Variants in PREX2 observed in about 807,000 individuals in gnomAD.
PREX2 encodes phosphatidylinositol-3,4,5-trisphosphate dependent Rac exchange factor 2, also known as phosphatidylinositol 3,4,5-trisphosphate-dependent Rac exchanger 2 protein.
PREX2 carries 107 observed loss-of-function variants against 203.2 expected under a neutral mutation model. The observed-to-expected ratio is 0.53, with a 90% CI of 0.45 to 0.62. The LOEUF (loss-of-function observed/expected upper bound fraction) is 0.62. Ranked by LOEUF, PREX2 falls within the 20% of genes least tolerant of loss-of-function variation. The probability of loss-of-function intolerance (pLI) is 0.00; values close to 1 mark genes in which losing one functional copy is unlikely to be tolerated. For missense variants in PREX2, 1,777 were observed against 1,955.9 expected (o/e 0.91, Z 1.72); for synonymous variants, 672 against 663.6 (o/e 1.01, Z -0.19).
At chr8:68,077,244 T>A (rs578060769) in intron 14 of PREX2, among the ~76,000 whole-genome samples, 153 bp from the exon 15 acceptor site, 2 of 152,368 alleles carry the variant, frequency 1.3e-5, no homozygotes, top group South Asian at 2.1e-4. Flanking sequence ...CTGAATGTTT[T>A]GTAACAATTA....
chr8:68,140,435 G>A (rs1165688908), intron 33 of PREX2, among the ~76,000 whole-genome samples: 1 of 152,200 alleles, frequency 6.6e-6, no homozygotes, highest in African/African-American at 2.4e-5. Flanking sequence ...TCTGTATTCA[G>A]AGGTCATCAC....
Position 68,188,251 on chromosome 8 carries a change from G to A in PREX2, c.4347-3471G>A, listed in dbSNP as rs150580022. ...ACTGCTTACAAATGTGTGATCCTGGGCACAAAACCATTTTTAAGAGGATGA... is the reference window on the plus strand; with the variant it reads ...ACTGCTTACAAATGTGTGATCCTGGACACAAAACCATTTTTAAGAGGATGA... On this transcript the variant is annotated intron_variant, in intron 35 of 39. Transcript: ENST00000288368. 7.7e-4 allele frequency among the ~76,000 whole-genome samples: 117 copies of A among 152,172 alleles called. 5 individuals carry two copies. The East Asian group carries it at 0.02, about 26-fold the overall frequency.
chr8:68,154,851 G>C (rs1194120580), intron 34 of PREX2, among the ~76,000 whole-genome samples: 1 of 152,188 alleles, frequency 6.6e-6, no homozygotes, highest in Non-Finnish European at 1.5e-5. Context: ...GTGAGGTCCA[G>C]ATACTTATAT....
chr8:68,051,724 TAATA>T (rs1356254914), intron 8 of PREX2, among the ~76,000 whole-genome samples: 2 of 152,148 alleles, frequency 1.3e-5, no homozygotes, highest in Admixed American at 1.3e-4. Context: ...CACATAAAGG[TAATA>T]AAAGTACAAA....
chr8:68,100,271 C>A (rs747095410), intron 23 of PREX2: 2 of 444,826 alleles, frequency 4.5e-6, no homozygotes, highest in South Asian at 3.2e-5. Context: ...TTAAGTCATT[C>A]ATTTGACATA....
intron 35 of PREX2, among the ~76,000 whole-genome samples, chr8:68,183,047 A>G (rs1192926105): frequency 6.6e-6 from 1 of 151,944 alleles, no homozygotes; most frequent in Non-Finnish European, 1.5e-5. Flanking sequence ...GTGTTGAGAG[A>G]TGGAATGGGA....
intron 1 of PREX2, 78 bp downstream of exon 1, chr8:67,952,613 C>T: frequency 6.5e-7 from 1 of 1,545,054 alleles, no homozygotes; most frequent in Non-Finnish European, 8.8e-7. Flanking sequence ...GGGAAGGACG[C>T]GCGGCATTGT....
At chr8:68,029,561 G>C (rs1807820475) in intron 5 of PREX2, among the ~76,000 whole-genome samples, 2 of 152,084 alleles carry the variant, frequency 1.3e-5, no homozygotes. Context: ...GAACTCAAAA[G>C]AATATAACAA....
chr8:68,122,922 G>C (rs541629922), intron 30 of PREX2, among the ~76,000 whole-genome samples: 133 of 152,104 alleles, frequency 8.7e-4, no homozygotes, highest in African/African-American at 3.1e-3. Flanking sequence ...TTTTATGTCT[G>C]ATTATGTCAT....
Position 68,094,173 on chromosome 8 carries a change from C to G in PREX2, c.2368+451C>G, listed in dbSNP as rs1809983170. On this transcript the variant is annotated intron_variant, in intron 21 of 39. Transcript: ENST00000288368. ...CAGCAGTATCAACATCACCTGAGAG[C>G]TAGACTGAAATACAGAATCTCAGCT... Among the ~76,000 whole-genome samples, 3 of 152,174 alleles carry G rather than the reference C, an allele frequency of 2.0e-5. 1 individual carries two copies. In the South Asian group the frequency reaches 6.2e-4, roughly 32 times the overall value.
chr8:68,164,692 C>T (rs1585839002), intron 35 of PREX2, among the ~76,000 whole-genome samples: 1 of 151,012 alleles, frequency 6.6e-6, no homozygotes, highest in Admixed American at 6.6e-5. Context: ...AAATGATTCT[C>T]CTGCCTCAGC....
rs752082482 is a variant in PREX2, at chr8:67,952,360, G to T, written c.-35G>T. ...GGGCGCGCGGGTCAGCGCTCAGCAC[G>T]GCGGGCAGCGCCGCGCTGCGCACCG... On this transcript the variant is annotated 5_prime_UTR_variant, in exon 1 of 40. Coordinates refer to ENST00000288368, the MANE Select transcript of PREX2 (RefSeq NM_024870.4). The T allele has an allele frequency of 3.4e-6, 5 of 1,487,980 alleles. No homozygotes were observed. Among genetic ancestry groups the T allele is most frequent in the East Asian group, 2.8e-5 (1 of 35,390 alleles). The allele number at this position is 1,487,980 out of a possible 1,614,324, so 92.2% of individuals were successfully genotyped here.
intron 21 of PREX2, among the ~76,000 whole-genome samples, chr8:68,095,465 A>G (rs1810030564): frequency 6.6e-6 from 1 of 152,006 alleles, no homozygotes; most frequent in African/African-American, 2.4e-5. Flanking sequence ...AGTAAATCAC[A>G]AGGATTTAAA....
At chr8:67,996,502 T>C (rs183751073) in intron 1 of PREX2, among the ~76,000 whole-genome samples, 87 of 152,258 alleles carry the variant, frequency 5.7e-4, no homozygotes, top group South Asian at 8.3e-4. Flanking sequence ...CCTTTTAGTA[T>C]TGTTTTATAG....
chr8:68,103,856 G>T (rs1345011949), intron 23 of PREX2, among the ~76,000 whole-genome samples: 4 of 152,044 alleles, frequency 2.6e-5, no homozygotes, highest in Non-Finnish European at 5.9e-5. Flanking sequence ...CCTTGGTAAA[G>T]CTCCAGGACT....
At chr8:68,223,523 A>G (rs570484624) in intron 38 of PREX2, 20 of 151,694 alleles carry the variant, frequency 1.3e-4, no homozygotes, top group Admixed American at 2.0e-4. Context: ...TTGTTTTCCT[A>G]TTTTACGTCC....
intron 33 of PREX2, among the ~76,000 whole-genome samples, chr8:68,145,654 T>C (rs769768941): frequency 4.6e-5 from 7 of 152,184 alleles, no homozygotes; most frequent in Non-Finnish European, 1.0e-4. Flanking sequence ...ATTGGTTTTT[T>C]TTTAAGTAAT....
At chr8:68,115,020 T>C (rs1271408030) in intron 25 of PREX2, among the ~76,000 whole-genome samples, 1 of 128,060 alleles carries the variant, frequency 7.8e-6, no homozygotes, top group Admixed American at 8.4e-5. Context: ...TTCTTTTCTT[T>C]CTTTTTTTTT....
chr8:68,116,563 G>T (rs1338540378), intron 26 of PREX2, among the ~76,000 whole-genome samples: 2 of 152,170 alleles, frequency 1.3e-5, no homozygotes, highest in Non-Finnish European at 2.9e-5. Context: ...GAAGGCTGTG[G>T]AGGAAGGATC....
Sources: allele counts gnomAD v4.1 joint callset (sites outside exome capture counted in the v4.1 genomes callset), GRCh38; gene constraint gnomAD v4.1.1; transcripts MANE v1.5; gene names NCBI Gene and HGNC (gene_info 2026-07-23, HGNC 2026-07-21).